The following THRAP3 variants were observed in gnomAD, a reference collection of about 807,000 sequenced individuals.
THRAP3 encodes thyroid hormone receptor-associated protein 3.
THRAP3 carries 16 observed loss-of-function variants against 101.0 expected under a neutral mutation model. The ratio of observed to expected loss-of-function variants is 0.16; its 90% CI spans 0.11 to 0.24. The LOEUF (loss-of-function observed/expected upper bound fraction) is 0.24, where lower values mean the gene tolerates loss of function less well. Among genes scored for constraint, THRAP3 ranks in the 10% least tolerant of loss-of-function variants. THRAP3 has a pLI of 1.00. For missense variants in THRAP3, 989 were observed against 1,202.7 expected, an observed-to-expected ratio of 0.82 and a Z score of 2.63; for synonymous variants, 407 against 422.6, an observed-to-expected ratio of 0.96 and a Z score of 0.45.
chr1:36,289,907 T>A, intron 5 of THRAP3, 143 bp downstream of exon 5: 1 of 1,203,364 alleles, frequency 8.3e-7, no homozygotes, highest in Non-Finnish European at 1.1e-6. Flanking sequence ...CTGTGTTCAC[T>A]GGAGAGTATG....
At chr1:36,269,944 G>A (rs1645566961) in intron 2 of THRAP3, among the ~76,000 whole-genome samples, 1 of 152,046 alleles carries the variant, frequency 6.6e-6, no homozygotes, top group African/African-American at 2.4e-5. Flanking sequence ...TGCAGAAACT[G>A]GCTTTATCTA....
intron 1 of THRAP3, among the ~76,000 whole-genome samples, chr1:36,233,821 A>C (rs543035345): frequency 4.6e-5 from 7 of 152,216 alleles, no homozygotes; most frequent in African/African-American, 1.7e-4. Context: ...TATCAAGGCT[A>C]TTCTGCAGAA....
At chr1:36,300,017 C>G (rs1316673694) in intron 9 of THRAP3, among the ~76,000 whole-genome samples, 7 of 152,122 alleles carry the variant, frequency 4.6e-5, no homozygotes, top group Non-Finnish European at 1.0e-4. Context: ...TTGGCTGGCT[C>G]TGCTACTCCT....
chr1:36,214,462 G>A, the THRAP3 span, among the ~76,000 whole-genome samples: 4 of 152,000 alleles, frequency 2.6e-5, no homozygotes, highest in South Asian at 2.1e-4. Flanking sequence ...CCATTGTCTC[G>A]TCTCATCTGG....
At chr1:36,292,773 C>A (rs781098006) in intron 7 of THRAP3, 64 bp downstream of exon 7, 29 of 1,275,536 alleles carry the variant, frequency 2.3e-5, no homozygotes, top group Non-Finnish European at 2.9e-5. Flanking sequence ...ATTAAACTCA[C>A]CTTGTTAAAT....
chr1:36,240,300 G>T (rs1271731965), intron 1 of THRAP3, among the ~76,000 whole-genome samples: 1 of 152,202 alleles, frequency 6.6e-6, no homozygotes, highest in African/African-American at 2.4e-5. Flanking sequence ...CCCTTAGTTT[G>T]AGGTGAAAGG....
At chr1:36,233,474 C>G (rs912612482) in intron 1 of THRAP3, among the ~76,000 whole-genome samples, 3 of 151,304 alleles carry the variant, frequency 2.0e-5, no homozygotes, top group African/African-American at 7.3e-5. Flanking sequence ...TGACTGCACT[C>G]CAGCCTTCCA....
chr1:36,303,102 T>C (rs1033747977), intron 11 of THRAP3, among the ~76,000 whole-genome samples: 2 of 150,004 alleles, frequency 1.3e-5, no homozygotes, highest in Non-Finnish European at 3.0e-5. Context: ...CACACCCCCA[T>C]GCCTGGCTAA....
At chr1:36,298,138 C>G (rs1645977097) in intron 9 of THRAP3, among the ~76,000 whole-genome samples, 1 of 100,676 alleles carries the variant, frequency 9.9e-6, no homozygotes, top group African/African-American at 3.7e-5. Flanking sequence ...CAGAGTGAGA[C>G]TTCATCTCAA....
chr1:36,218,802 G>C, the THRAP3 span, among the ~76,000 whole-genome samples: 1 of 151,056 alleles, frequency 6.6e-6, no homozygotes, highest in South Asian at 2.1e-4. Flanking sequence ...CGGGAGGCAG[G>C]GGCAGGTGGA....
chr1:36,296,045 C>A (rs963371541), intron 8 of THRAP3, among the ~76,000 whole-genome samples: 4 of 138,632 alleles, frequency 2.9e-5, no homozygotes, highest in Admixed American at 2.5e-4. Context: ...GCGATCTCAG[C>A]TCACTGCAAC....
At chr1:36,294,633 C>T (rs571426682) in intron 8 of THRAP3, among the ~76,000 whole-genome samples, 1 of 152,304 alleles carries the variant, frequency 6.6e-6, no homozygotes, top group Non-Finnish European at 1.5e-5. Flanking sequence ...GAAACCTTTT[C>T]TAAAAAATAC....
intron 10 of THRAP3, 75 bp downstream of exon 10, chr1:36,301,159 C>A: frequency 6.9e-7 from 1 of 1,444,844 alleles, no homozygotes; most frequent in East Asian, 2.4e-5. Flanking sequence ...ATCAGAATAC[C>A]AGTTTTGTTG....
At chr1:36,243,868 T>A in intron 1 of THRAP3, among the ~76,000 whole-genome samples, 1 of 104,746 alleles carries the variant, frequency 9.5e-6, no homozygotes, top group Non-Finnish European at 2.0e-5. Flanking sequence ...GCTGGCCGGG[T>A]GGGGGGCTGA....
At chr1:36,279,669 T>C (rs1645707132) in intron 2 of THRAP3, among the ~76,000 whole-genome samples, 1 of 152,194 alleles carries the variant, frequency 6.6e-6, no homozygotes. Flanking sequence ...ACTCATCACC[T>C]TTTGTCTCTG....
chr1:36,209,260 G>A, the THRAP3 span, among the ~76,000 whole-genome samples: 107 of 152,204 alleles, frequency 7.0e-4, no homozygotes, highest in Non-Finnish European at 4.3e-4. Context: ...TTACTGGAGT[G>A]AGCCACTGCA....
intron 1 of THRAP3, among the ~76,000 whole-genome samples, chr1:36,252,429 T>G (rs1039361838): frequency 1.3e-5 from 2 of 152,086 alleles, no homozygotes; most frequent in African/African-American, 4.8e-5. Context: ...TGGCCAAGGT[T>G]GATTCTTAGT....
At chr1:36,253,874 G>A (rs1319319413) in intron 1 of THRAP3, among the ~76,000 whole-genome samples, 1 of 151,126 alleles carries the variant, frequency 6.6e-6, no homozygotes, top group Non-Finnish European at 1.5e-5. Context: ...CAAAGTGTTG[G>A]GATTACAGAT....
rs71053920 is a variant in THRAP3 at position 36,293,028 on chromosome 1, CTTTTT to C, written c.2030+333_2030+337del. On this transcript the variant is annotated intron_variant, in intron 7 of 11. Transcript: ENST00000354618. ...AGTAAATGCTAGTTTCTTTTCTTGT[CTTTTT>C]TTTTTTTTTTTTTGAGATGGAGTGT... Among the ~76,000 whole-genome samples, 54 of 82,826 alleles carry C rather than the reference CTTTTT, an allele frequency of 6.5e-4. 2 individuals carry two copies. The highest frequency in any genetic ancestry group is 2.7e-3 in the Admixed American group (14 of 5,186). 54.3% of individuals were successfully genotyped at this position (82,826 alleles called of 152,430 possible). A position where few individuals can be genotyped will look rare whatever the true frequency, so the allele number is the denominator to read the frequency against.
Sources: gnomAD v4.1 joint callset for allele counts (sites outside exome capture counted in the v4.1 genomes callset) on GRCh38, gnomAD v4.1.1 for gene constraint, MANE v1.5 for transcripts, NCBI Gene and HGNC (gene_info 2026-07-23, HGNC 2026-07-21) for gene names.